The following GPD1L variants were observed in gnomAD, a reference collection of about 807,000 sequenced individuals.
GPD1L encodes glycerol-3-phosphate dehydrogenase 1 like.
Under a neutral mutation model 32.9 loss-of-function variants are expected in GPD1L, and 17 were observed. The observed-to-expected ratio is 0.52, with a 90% CI of 0.35 to 0.78. GPD1L has a LOEUF of 0.78. GPD1L is among the 30% of genes least tolerant of loss of function. The pLI is 0.01. For missense variants in GPD1L, 361 were observed against 447.8 expected, an observed-to-expected ratio of 0.81 and a Z score of 1.75; for synonymous variants, 187 against 165.9, an observed-to-expected ratio of 1.13 and a Z score of -0.98.
chr3:32,133,345 T>C (rs1427589390), intron 2 of GPD1L, among the ~76,000 whole-genome samples: 1 of 152,224 alleles, frequency 6.6e-6, no homozygotes, highest in East Asian at 1.9e-4. Flanking sequence ...GTTTTATCTG[T>C]CATTACTATG....
At position 32,165,944 on chromosome 3, in the gene GPD1L, C is replaced by A; in HGVS notation, c.*34C>A. The stretch of plus-strand genomic sequence containing the variant: ...ATGCAACGTGTTGGGGGAAGTTCTG[C>A]CTTTCTGATCAATCTTTTGGGTTCA... On this transcript the variant is annotated 3_prime_UTR_variant, in exon 8 of 8. Transcript: ENST00000282541. 2 of 1,166,036 alleles carry A rather than the reference C, an allele frequency of 1.7e-6. No individual in the cohort carries two copies. Among genetic ancestry groups the A allele is most frequent in the Non-Finnish European group, 2.6e-6 (2 of 770,876 alleles). The allele number at this position is 1,166,036 out of a possible 1,614,324, so 72.2% of individuals were successfully genotyped here. A position where few individuals can be genotyped will look rare whatever the true frequency, so the allele number is the denominator to read the frequency against.
intron 1 of GPD1L, among the ~76,000 whole-genome samples, chr3:32,107,531 A>G (rs1700182085): frequency 6.6e-6 from 1 of 152,208 alleles, no homozygotes; most frequent in Non-Finnish European, 1.5e-5. Flanking sequence ...GGAAGGAAGC[A>G]AAGTGTAGCA....
chr3:32,114,931 C>T (rs556486318), intron 1 of GPD1L, among the ~76,000 whole-genome samples: 30 of 152,284 alleles, frequency 2.0e-4, no homozygotes, highest in African/African-American at 5.8e-4. Flanking sequence ...GGAGTGAAGC[C>T]GCAGACCTCT....
rs1385816977 is a variant in GPD1L, at chr3:32,163,390, G to A, written c.960-2424G>A. 2.0e-5 allele frequency among the ~76,000 whole-genome samples: 3 copies of A among 151,872 alleles called. No homozygotes were observed. The East Asian group carries it at 5.8e-4, about 30-fold the overall frequency. ...TCACTGTGTTAGCCAAGATGGTCTC[G>A]ATCTCCTGACCTCGTGATCCACCTG... On this transcript the variant is annotated intron_variant, in intron 7 of 7. Coordinates refer to ENST00000282541, the MANE Select transcript of GPD1L (RefSeq NM_015141.4).
chr3:32,150,303 A>G (rs1048864279), intron 5 of GPD1L, among the ~76,000 whole-genome samples: 1 of 152,180 alleles, frequency 6.6e-6, no homozygotes, highest in Non-Finnish European at 1.5e-5. Flanking sequence ...AAAGTACAAA[A>G]ATCATAAGTA....
intron 2 of GPD1L, among the ~76,000 whole-genome samples, chr3:32,137,153 G>A (rs1298726654): frequency 2.6e-5 from 4 of 152,216 alleles, no homozygotes; most frequent in African/African-American, 4.8e-5. Flanking sequence ...TGACAGACAC[G>A]ATTTCCTCAG....
intron 1 of GPD1L, among the ~76,000 whole-genome samples, chr3:32,124,232 A>AT (rs1220791638): frequency 4.6e-5 from 7 of 152,096 alleles, no homozygotes; most frequent in African/African-American, 1.7e-4. Flanking sequence ...TGCTCAGCTA[A>AT]TTTTTTGTAT....
At chr3:32,128,043 TTA>T in intron 1 of GPD1L, 31 bp from the exon 2 acceptor site, 1 of 1,492,456 alleles carries the variant, frequency 6.7e-7, no homozygotes, top group South Asian at 1.1e-5. Flanking sequence ...CCAAGTGAGT[TTA>T]TGTTTTTCTT....
chr3:32,165,342 T>G (rs1399000499), intron 7 of GPD1L, among the ~76,000 whole-genome samples: 1 of 130,328 alleles, frequency 7.7e-6, no homozygotes, highest in Admixed American at 7.4e-5. Flanking sequence ...TTGCTAATCG[T>G]GGGTCCTCAC....
In GPD1L at chr3:32,140,190, G is replaced by A. The variant is rs72546655; in HGVS notation, c.367-38G>A. On this transcript the variant is annotated intron_variant, in intron 3 of 7. Coordinates refer to ENST00000282541, the MANE Select transcript of GPD1L (RefSeq NM_015141.4). The stretch of plus-strand genomic sequence containing the variant: ...TACTATCCCATGCCTCTTTGATTTG[G>A]CGGTTTGTTCTCTCCTAACTTCTTG... The A allele has an allele frequency of 1.1e-3, 1,757 of 1,612,314 alleles. 15 individuals carry two copies. In the African/African-American group the frequency reaches 0.021, roughly 19 times the overall value.
Position 32,106,635 on chromosome 3 carries a change from T to C in GPD1L, c.-77T>C. The C allele has an allele frequency of 7.4e-7, 1 of 1,353,820 alleles. No homozygotes were observed. The highest frequency in any genetic ancestry group is 2.2e-4 in the Middle Eastern group (1 of 4,530). 83.9% of individuals were successfully genotyped at this position (1,353,820 alleles called of 1,614,324 possible). A position where few individuals can be genotyped will look rare whatever the true frequency, so the allele number is the denominator to read the frequency against. ...AAGGGGCGGGGCCGCCGCCAGCCGC[T>C]GCGGGCAAGGCTGAACAGGCGGAGG... is the stretch of plus-strand genomic sequence containing the variant. On this transcript the variant is annotated 5_prime_UTR_variant, in exon 1 of 8. Transcript: ENST00000282541. The surrounding 1 kb of genome is among the most constrained non-coding windows in gnomAD (Gnocchi z 4.0).
At chr3:32,128,766 A>G (rs139217087) in intron 2 of GPD1L, among the ~76,000 whole-genome samples, 1 of 152,266 alleles carries the variant, frequency 6.6e-6, no homozygotes, top group Admixed American at 6.5e-5. Flanking sequence ...TTGGCATTCA[A>G]AGTGCCAGCC....
rs150493306 is a variant in GPD1L, at chr3:32,144,240, G to A, written c.506-2382G>A. On this transcript the variant is annotated intron_variant, in intron 4 of 7. Coordinates refer to ENST00000282541, the MANE Select transcript of GPD1L (RefSeq NM_015141.4). Reference sequence around the variant, plus strand: ...GAATCGTGGCCCACTTGAATCTTCTGTGGAGGGAAAAGATAGGGCAGCTTC... The same window carrying A: ...GAATCGTGGCCCACTTGAATCTTCTATGGAGGGAAAAGATAGGGCAGCTTC... Among the ~76,000 whole-genome samples the A allele has an allele frequency of 7.2e-5, 11 of 152,316 alleles. 1 individual carries two copies. The East Asian group carries it at 2.1e-3, about 29-fold the overall frequency.
At chr3:32,143,442 A>G (rs940430290) in intron 4 of GPD1L, among the ~76,000 whole-genome samples, 2 of 152,152 alleles carry the variant, frequency 1.3e-5, no homozygotes, top group African/African-American at 4.8e-5. Flanking sequence ...AAAGTAAGAG[A>G]TATGTTATAA....
chr3:32,127,107 CCA>C (rs1700518864), intron 1 of GPD1L, among the ~76,000 whole-genome samples: 2 of 152,174 alleles, frequency 1.3e-5, no homozygotes, highest in South Asian at 4.1e-4. Context: ...TGTTCTGCAT[CCA>C]CTTGGCCGCC....
intron 5 of GPD1L, among the ~76,000 whole-genome samples, chr3:32,154,167 T>C (rs777562862): frequency 6.6e-6 from 1 of 152,156 alleles, no homozygotes; most frequent in Non-Finnish European, 1.5e-5. Context: ...GCGACTAAAC[T>C]GGGTTGCAGC....
chr3:32,148,218 A>G (rs780423434), intron 5 of GPD1L, among the ~76,000 whole-genome samples: 10 of 152,198 alleles, frequency 6.6e-5, no homozygotes, highest in South Asian at 6.2e-4. Context: ...GTGGTCATGG[A>G]GAAGCTGTGA....
In GPD1L at chr3:32,126,332, C is replaced by T. The variant is rs1020160655; in HGVS notation, c.48-1744C>T. Among the ~76,000 whole-genome samples the T allele has an allele frequency of 5.9e-5, 9 of 152,178 alleles. No individual in the cohort carries two copies. The South Asian group carries it at 1.4e-3, about 24-fold the overall frequency. ...CTGTAAAGGGGAAAGCAAGTGTATT[C>T]CAGTAAGATCATGGGGAGGGATTCC... On this transcript the variant is annotated intron_variant, in intron 1 of 7. Transcript: ENST00000282541.
At chr3:32,156,004 C>G (rs1700983298) in intron 5 of GPD1L, among the ~76,000 whole-genome samples, 1 of 152,124 alleles carries the variant, frequency 6.6e-6, no homozygotes, top group Admixed American at 6.5e-5. Flanking sequence ...TTCTTATGGT[C>G]CCTGCTCTTA....
Sources: gnomAD v4.1 joint callset for allele counts (sites outside exome capture counted in the v4.1 genomes callset) on GRCh38, gnomAD v4.1.1 for gene constraint, Gnocchi (gnomAD v3.1) non-coding constraint, MANE v1.5 for transcripts, NCBI Gene and HGNC (gene_info 2026-07-23, HGNC 2026-07-21) for gene names.